Variants in MYRFL observed in about 807,000 individuals in gnomAD.
The protein encoded by MYRFL is myelin regulatory factor-like protein.
In MYRFL, 88 loss-of-function variants were observed where a neutral mutation model predicts 109.4. That is an observed-to-expected ratio of 0.80 (90% CI 0.68 to 0.96). MYRFL has a LOEUF of 0.96. Among genes scored for constraint, MYRFL ranks in the 40% least tolerant of loss-of-function variants. The pLI is 0.00. For synonymous variants in MYRFL, 324 were observed against 320.9 expected, an observed-to-expected ratio of 1.01 and a Z score of -0.10; for missense variants, 957 against 954.9, an observed-to-expected ratio of 1.00 and a Z score of -0.03.
chr12:69,949,800 T>G (rs1005743311), intron 19 of MYRFL, among the ~76,000 whole-genome samples: 2 of 152,114 alleles, frequency 1.3e-5, no homozygotes, highest in Non-Finnish European at 2.9e-5. Flanking sequence ...TTTTCCTACA[T>G]GGATCACATT....
intron 9 of MYRFL, among the ~76,000 whole-genome samples, chr12:69,896,284 C>T (rs1953992843): frequency 6.6e-6 from 1 of 152,012 alleles, no homozygotes; most frequent in South Asian, 2.1e-4. Flanking sequence ...CTGCTTAGCC[C>T]GGTATATGAC....
In MYRFL at chr12:69,945,986, CAAAAAAAA is replaced by C. The variant is rs56988555; in HGVS notation, c.2225-6106_2225-6099del. On this transcript the variant is annotated intron_variant, in intron 19 of 24. Transcript: ENST00000552032. Reference sequence around the variant, plus strand: ...TGGGCGACAGAGCGAGACTCCGTCTCAAAAAAAAAAAAAAAAAAAAAAAAAAAATTATA... The same window carrying C: ...TGGGCGACAGAGCGAGACTCCGTCTCAAAAAAAAAAAAAAAAAAAATTATA... 9.2e-4 allele frequency among the ~76,000 whole-genome samples: 39 copies of C among 42,344 alleles called. 2 individuals carry two copies. The South Asian group carries it at 0.04, about 43-fold the overall frequency. The allele number at this position is 42,344 out of a possible 152,430, so 27.8% of individuals were successfully genotyped here. A position where few individuals can be genotyped will look rare whatever the true frequency, so the allele number is the denominator to read the frequency against.
chr12:69,895,272 A>G, intron 8 of MYRFL, 99 bp from the exon 9 acceptor site: 1 of 874,448 alleles, frequency 1.1e-6, no homozygotes, highest in Non-Finnish European at 1.7e-6. Context: ...AGAACTGGGA[A>G]CCAAGCATAG....
In MYRFL at chr12:69,919,503, C is replaced by T. The variant is rs115537451; in HGVS notation, c.1603-7068C>T. Reference sequence around the variant, plus strand: ...TTGTCCTGTTTGCAAGAGAAATATACATGCTAGGGAAGTCTGTCCTCCAGA... The same window carrying T: ...TTGTCCTGTTTGCAAGAGAAATATATATGCTAGGGAAGTCTGTCCTCCAGA... On this transcript the variant is annotated intron_variant, in intron 13 of 24. Coordinates refer to ENST00000552032, the MANE Select transcript of MYRFL (RefSeq NM_182530.3). Among the ~76,000 whole-genome samples, 218 of 152,260 alleles carry T rather than the reference C, an allele frequency of 1.4e-3. 1 individual carries two copies. The highest frequency in any genetic ancestry group is 5.0e-3 in the African/African-American group (209 of 41,552).
intron 2 of MYRFL, among the ~76,000 whole-genome samples, chr12:69,872,707 G>A (rs1161157347): frequency 6.6e-6 from 1 of 151,980 alleles, no homozygotes; most frequent in East Asian, 1.9e-4. Flanking sequence ...CACCATGTTG[G>A]CCAGGCTGGT....
intron 15 of MYRFL, among the ~76,000 whole-genome samples, chr12:69,930,372 G>C (rs1204525589): frequency 1.3e-5 from 2 of 152,106 alleles, no homozygotes; most frequent in Non-Finnish European, 2.9e-5. Flanking sequence ...CTCTCATTCA[G>C]TCAGTAGGGT....
intron 10 of MYRFL, among the ~76,000 whole-genome samples, chr12:69,902,670 AAC>A (rs1384486031): frequency 2.6e-5 from 4 of 152,244 alleles, no homozygotes; most frequent in Admixed American, 6.5e-5. Flanking sequence ...TAATTTTAAA[AAC>A]AAATTAATTT....
At chr12:69,862,936 T>G (rs1442225155) in intron 2 of MYRFL, among the ~76,000 whole-genome samples, 2 of 152,290 alleles carry the variant, frequency 1.3e-5, no homozygotes, top group African/African-American at 2.4e-5. Context: ...CAATACCTAA[T>G]TTATTGAGAG....
chr12:69,905,329 A>C (rs908858672), intron 11 of MYRFL, among the ~76,000 whole-genome samples: 13 of 152,376 alleles, frequency 8.5e-5, no homozygotes, highest in African/African-American at 3.1e-4. Context: ...GGTTTGAAGA[A>C]AATATATTGT....
chr12:69,945,879 TG>T (rs1441761914), intron 19 of MYRFL, among the ~76,000 whole-genome samples: 1 of 139,710 alleles, frequency 7.2e-6, no homozygotes, highest in Admixed American at 7.5e-5. Flanking sequence ...CCCAGCTACT[TG>T]GGAGGCTGAG....
At chr12:69,936,233 AAGG>A (rs1489849777) in intron 17 of MYRFL, 46 bp downstream of exon 17, 11 of 1,535,638 alleles carry the variant, frequency 7.2e-6, no homozygotes, top group Non-Finnish European at 9.6e-6. Flanking sequence ...CTTTGGAGAG[AAGG>A]ATTTTTGCAG....
At chr12:69,882,943 T>C (rs1886221533) in intron 5 of MYRFL, among the ~76,000 whole-genome samples, 1 of 152,256 alleles carries the variant, frequency 6.6e-6, no homozygotes, top group Non-Finnish European at 1.5e-5. Flanking sequence ...AGCCTTATTT[T>C]TCTTGATTAT....
At chr12:69,877,277 C>T (rs1455775848) in intron 2 of MYRFL, among the ~76,000 whole-genome samples, 2 of 152,110 alleles carry the variant, frequency 1.3e-5, no homozygotes, top group Non-Finnish European at 2.9e-5. Flanking sequence ...CCCGCCTCCG[C>T]CTCCCAAAGT....
chr12:69,853,652 C>A (rs1884060498), intron 1 of MYRFL, among the ~76,000 whole-genome samples: 1 of 146,998 alleles, frequency 6.8e-6, no homozygotes, highest in African/African-American at 2.6e-5. Flanking sequence ...GGCAGAGGGG[C>A]TCCTCACATC....
intron 7 of MYRFL, 41 bp from the exon 8 acceptor site, chr12:69,893,719 TTTAA>T (rs149822104): frequency 0.028 from 32,376 of 1,163,842 alleles, 645 homozygotes; most frequent in Middle Eastern, 0.073. Flanking sequence ...TGATTAACAT[TTTAA>T]TTAATTAATT....
At chr12:69,912,617 A>G (rs952263700) in intron 13 of MYRFL, among the ~76,000 whole-genome samples, 1 of 152,100 alleles carries the variant, frequency 6.6e-6, no homozygotes, top group Admixed American at 6.6e-5. Context: ...AGGTTCATCT[A>G]TGTTGCAGTG....
intron 11 of MYRFL, among the ~76,000 whole-genome samples, chr12:69,907,885 G>A (rs1005184945): frequency 2.4e-4 from 37 of 151,828 alleles, no homozygotes; most frequent in African/African-American, 8.7e-4. Context: ...GAGTGAAGGC[G>A]CTCACAGTGA....
In MYRFL at chr12:69,881,532, A is replaced by G. The variant is rs946900353; in HGVS notation, c.556+1240A>G. 3.9e-5 allele frequency among the ~76,000 whole-genome samples: 6 copies of G among 152,314 alleles called. No individual in the cohort carries two copies. The East Asian group carries it at 1.2e-3, about 29-fold the overall frequency. The stretch of plus-strand genomic sequence containing the variant: ...TGCTGCCTTTTCCTTTGACAGCCCC[A>G]TGGTAAGAGCTGATTCTCTGAGGGA... On this transcript the variant is annotated intron_variant, in intron 5 of 24. Transcript: ENST00000552032.
chr12:69,854,210 C>T (rs963923793), intron 1 of MYRFL, among the ~76,000 whole-genome samples: 9 of 152,056 alleles, frequency 5.9e-5, no homozygotes, highest in Non-Finnish European at 1.0e-4. Flanking sequence ...TCAGGCGTGG[C>T]GGCGCGTGCC....
Sources: allele counts gnomAD v4.1 joint callset (sites outside exome capture counted in the v4.1 genomes callset), GRCh38; gene constraint gnomAD v4.1.1; transcripts MANE v1.5; gene names NCBI Gene and HGNC (gene_info 2026-07-23, HGNC 2026-07-21).